LRMDA: variants seen among roughly 807,000 people sequenced by gnomAD.
LRMDA encodes the protein leucine rich melanocyte differentiation associated, also known as leucine-rich melanocyte differentiation-associated protein.
Under a neutral mutation model 29.8 loss-of-function variants are expected in LRMDA, and 18 were observed. The observed-to-expected ratio is 0.60, with a 90% CI of 0.42 to 0.90. The LOEUF (loss-of-function observed/expected upper bound fraction) is 0.90, where lower values mean the gene tolerates loss of function less well. Ranked by LOEUF, LRMDA falls within the 40% of genes least tolerant of loss-of-function variation. The pLI, the probability that LRMDA is intolerant of heterozygous loss-of-function variation, is 0.00. For missense variants in LRMDA, 273 were observed against 273.9 expected (o/e 1.00, Z 0.02); for synonymous variants, 125 against 109.4 (o/e 1.14, Z -0.89).
intron 6 of LRMDA, among the ~76,000 whole-genome samples, chr10:76,440,022 C>A (rs1842284637): frequency 6.6e-6 from 1 of 152,212 alleles, no homozygotes; most frequent in African/African-American, 2.4e-5. Context: ...TAGGAGCTCA[C>A]CTCACTCTTG....
At chr10:76,279,747 A>T (rs1840180083) in intron 5 of LRMDA, among the ~76,000 whole-genome samples, 2 of 152,024 alleles carry the variant, frequency 1.3e-5, no homozygotes, top group Admixed American at 1.3e-4. Flanking sequence ...GGGTTTCACC[A>T]TGTTGGCCAG....
chr10:75,465,495 G>T (rs1844638110), intron 2 of LRMDA, among the ~76,000 whole-genome samples: 1 of 152,144 alleles, frequency 6.6e-6, no homozygotes, highest in African/African-American at 2.4e-5. Flanking sequence ...CCCTCTCTTG[G>T]TTTTTCATTG....
chr10:75,695,498 G>A (rs889072706), intron 2 of LRMDA, among the ~76,000 whole-genome samples: 1 of 151,494 alleles, frequency 6.6e-6, no homozygotes, highest in Non-Finnish European at 1.5e-5. Flanking sequence ...GTATCCCTTT[G>A]TTCTTCCTTT....
At chr10:76,533,669 T>C (rs1365487923) in intron 6 of LRMDA, among the ~76,000 whole-genome samples, 1 of 152,296 alleles carries the variant, frequency 6.6e-6, no homozygotes, top group South Asian at 2.1e-4. Context: ...TATTATACTT[T>C]GATACTAAAA....
At chr10:75,539,724 G>A (rs575115906) in intron 2 of LRMDA, among the ~76,000 whole-genome samples, 15 of 152,284 alleles carry the variant, frequency 9.9e-5, no homozygotes, top group Non-Finnish European at 1.8e-4. Flanking sequence ...TCAGAGATTT[G>A]GCTTAGTATA....
At chr10:75,866,258 C>G (rs1326430896) in intron 2 of LRMDA, among the ~76,000 whole-genome samples, 1 of 152,040 alleles carries the variant, frequency 6.6e-6, no homozygotes, top group Non-Finnish European at 1.5e-5. Flanking sequence ...TGAGCCACCT[C>G]TGCTCCACAC....
chr10:75,568,584 C>G (rs373897792), intron 2 of LRMDA, among the ~76,000 whole-genome samples: 88 of 152,260 alleles, frequency 5.8e-4, no homozygotes, highest in African/African-American at 1.8e-3. Context: ...CTAGGGCTGC[C>G]TCTTCTACTA....
chr10:76,001,761 C>G (rs1186758695), intron 2 of LRMDA, among the ~76,000 whole-genome samples: 2 of 152,098 alleles, frequency 1.3e-5, no homozygotes, highest in African/African-American at 2.4e-5. Flanking sequence ...TAGAGGAGAG[C>G]CCTTGACGCT....
chr10:75,897,042 A>G (rs556985304), intron 2 of LRMDA, among the ~76,000 whole-genome samples: 9 of 152,304 alleles, frequency 5.9e-5, no homozygotes, highest in Admixed American at 3.3e-4. Context: ...CACTGGTTAT[A>G]AATCTCTGAA....
chr10:76,506,158 G>C (rs1361780730), intron 6 of LRMDA, among the ~76,000 whole-genome samples: 3 of 152,044 alleles, frequency 2.0e-5, no homozygotes, highest in African/African-American at 4.8e-5. Context: ...AAATATGTTA[G>C]CTTACCCAAT....
chr10:75,948,205 T>C (rs956979496), intron 2 of LRMDA, among the ~76,000 whole-genome samples: 9 of 152,200 alleles, frequency 5.9e-5, no homozygotes, highest in Non-Finnish European at 1.2e-4. Flanking sequence ...TCTTAGAGTC[T>C]GACACCAGCA....
At chr10:75,641,422 A>ATG (rs3041644) in intron 2 of LRMDA, among the ~76,000 whole-genome samples, 1 of 150,460 alleles carries the variant, frequency 6.6e-6, no homozygotes, top group Non-Finnish European at 1.5e-5. Context: ...ATATATATAT[A>ATG]CAGATATTAT....
At chr10:76,464,660 ACC>A (rs1842546672) in intron 6 of LRMDA, among the ~76,000 whole-genome samples, 1 of 152,186 alleles carries the variant, frequency 6.6e-6, no homozygotes, top group African/African-American at 2.4e-5. Flanking sequence ...GAATGGGGTA[ACC>A]TCAAATACCT....
At chr10:75,897,374 A>G (rs1196390418) in intron 2 of LRMDA, among the ~76,000 whole-genome samples, 1 of 152,186 alleles carries the variant, frequency 6.6e-6, no homozygotes, top group Non-Finnish European at 1.5e-5. Flanking sequence ...AAGGTCAGCA[A>G]CCTTGCAGAA....
intron 2 of LRMDA, among the ~76,000 whole-genome samples, chr10:75,837,069 CTGATAT>C (rs1454833428): frequency 1.3e-5 from 2 of 152,010 alleles, no homozygotes; most frequent in African/African-American, 2.4e-5. Flanking sequence ...TATTGATATA[CTGATAT>C]TGATATAGAT....
chr10:75,676,919 A>G (rs1289641328), intron 2 of LRMDA, among the ~76,000 whole-genome samples: 6 of 152,172 alleles, frequency 3.9e-5, no homozygotes, highest in African/African-American at 7.2e-5. Flanking sequence ...AGCCCAAGCC[A>G]TGAGAGCCTG....
intron 5 of LRMDA, among the ~76,000 whole-genome samples, chr10:76,152,884 A>T (rs902365125): frequency 6.6e-6 from 1 of 151,588 alleles, no homozygotes; most frequent in African/African-American, 2.4e-5. Flanking sequence ...TCTGTAGTCC[A>T]GGCTGGTGTG....
intron 5 of LRMDA, among the ~76,000 whole-genome samples, chr10:76,174,132 T>A (rs988755954): frequency 3.3e-5 from 5 of 152,308 alleles, no homozygotes; most frequent in Admixed American, 3.3e-4. Flanking sequence ...ACTTTCCGTT[T>A]CATTCTGTGA....
chr10:75,860,574 G>C (rs1351382929), intron 2 of LRMDA, among the ~76,000 whole-genome samples: 2 of 152,002 alleles, frequency 1.3e-5, no homozygotes, highest in African/African-American at 4.8e-5. Context: ...TGTCCGCCTC[G>C]GCCTCCCAAA....
Sources: allele counts gnomAD v4.1 joint callset (sites outside exome capture counted in the v4.1 genomes callset), GRCh38; gene constraint gnomAD v4.1.1; transcripts MANE v1.5; gene names NCBI Gene and HGNC (gene_info 2026-07-23, HGNC 2026-07-21).